Variants in CAST observed in about 807,000 individuals in gnomAD.
The protein encoded by CAST is calpastatin.
In CAST, 76 loss-of-function variants were observed where a neutral mutation model predicts 119.6. That is an observed-to-expected ratio of 0.64 (90% CI 0.53 to 0.77). The LOEUF is 0.77. CAST is among the 30% of genes least tolerant of loss of function. The probability of loss-of-function intolerance (pLI) is 0.00; values close to 1 mark genes in which losing one functional copy is unlikely to be tolerated. For missense variants in CAST, 953 were observed against 946.5 expected, an observed-to-expected ratio of 1.01 and a Z score of -0.09; for synonymous variants, 319 against 331.6, an observed-to-expected ratio of 0.96 and a Z score of 0.41.
the CAST span, among the ~76,000 whole-genome samples, chr5:96,095,389 G>A: frequency 6.6e-6 from 1 of 151,458 alleles, no homozygotes; most frequent in African/African-American, 2.4e-5. Context: ...GGGTGACATA[G>A]AGACACCCCT....
At chr5:96,627,373 G>A (rs1561434559) in intron 1 of CAST, among the ~76,000 whole-genome samples, 1 of 152,120 alleles carries the variant, frequency 6.6e-6, no homozygotes, top group Non-Finnish European at 1.5e-5. Context: ...TCAATTTTGG[G>A]CTATTTAAAA....
At chr5:96,200,152 T>C in the CAST span, among the ~76,000 whole-genome samples, 1 of 152,010 alleles carries the variant, frequency 6.6e-6, no homozygotes, top group African/African-American at 2.4e-5. Context: ...GAATGGGAAG[T>C]TTGCATGATA....
chr5:96,424,620 C>T, the CAST span, among the ~76,000 whole-genome samples: 1 of 152,204 alleles, frequency 6.6e-6, no homozygotes, highest in Middle Eastern at 3.4e-3. Flanking sequence ...AGGAAATGCA[C>T]AAGTGTTAAC....
intron 2 of CAST, among the ~76,000 whole-genome samples, chr5:96,686,121 T>C (rs1752050715): frequency 6.6e-6 from 1 of 152,078 alleles, no homozygotes; most frequent in African/African-American, 2.4e-5. Context: ...TGATACTATT[T>C]CTTCCCACTT....
chr5:96,760,429 T>C lies in CAST; in HGVS notation c.1834-1845T>C, dbSNP rs570749241. 3.3e-5 allele frequency among the ~76,000 whole-genome samples: 5 copies of C among 151,914 alleles called. No individual in the cohort carries two copies. The South Asian group carries it at 6.2e-4, about 19-fold the overall frequency. On this transcript the variant is annotated intron_variant, in intron 24 of 31. Transcript: ENST00000675179. ...GGCAATCCCCTAATCTGTTAAAGAG[T>C]CTTTAGTTTTCAGAATCAAATATTC...
At chr5:96,004,901 T>G in the CAST span, among the ~76,000 whole-genome samples, 2 of 151,974 alleles carry the variant, frequency 1.3e-5, no homozygotes, top group African/African-American at 4.8e-5. Flanking sequence ...CTCAGCTCCC[T>G]AGGATTAAAG....
chr5:96,133,293 G>GA, the CAST span, among the ~76,000 whole-genome samples: 6,986 of 142,808 alleles, frequency 0.049, 444 homozygotes, highest in African/African-American at 0.15. Flanking sequence ...AACGCTTTGA[G>GA]AAAAAAAAAA....
At chr5:96,331,337 G>A in the CAST span, among the ~76,000 whole-genome samples, 2 of 152,120 alleles carry the variant, frequency 1.3e-5, no homozygotes, top group African/African-American at 4.8e-5. Flanking sequence ...AAACCAAACC[G>A]AAGGAGGAGG....
At chr5:96,751,179 A>G (rs978637501) in intron 20 of CAST, among the ~76,000 whole-genome samples, 1 of 151,916 alleles carries the variant, frequency 6.6e-6, no homozygotes, top group African/African-American at 2.4e-5. Flanking sequence ...GATATTTAAG[A>G]AGGTGAATCT....
chr5:96,417,453 C>T, the CAST span, among the ~76,000 whole-genome samples: 2 of 151,944 alleles, frequency 1.3e-5, no homozygotes, highest in African/African-American at 4.8e-5. Context: ...GGGGCCCCTC[C>T]TCTCAGACAA....
At chr5:96,194,396 A>C in the CAST span, among the ~76,000 whole-genome samples, 2 of 152,170 alleles carry the variant, frequency 1.3e-5, no homozygotes, top group Admixed American at 1.3e-4. Context: ...ATGATTTAAG[A>C]TTCTAATAAT....
the CAST span, among the ~76,000 whole-genome samples, chr5:96,494,078 A>G: frequency 6.6e-6 from 1 of 152,210 alleles, no homozygotes; most frequent in Non-Finnish European, 1.5e-5. Flanking sequence ...AACTTATTCT[A>G]ATCCCTCATT....
Position 96,730,951 on chromosome 5 carries a change from G to T in CAST, c.630+91G>T, listed in dbSNP as rs993766804. Reference sequence around the variant, plus strand: ...GTATGCTCAAATAACCTATCATCTGGCAAAACTGAACACTGCTTATATGTA... The same window carrying T: ...GTATGCTCAAATAACCTATCATCTGTCAAAACTGAACACTGCTTATATGTA... On this transcript the variant is annotated intron_variant, in intron 9 of 31. Coordinates refer to ENST00000675179, the MANE Select transcript of CAST (RefSeq NM_001750.7). 5 of 931,634 alleles carry T rather than the reference G, an allele frequency of 5.4e-6. No homozygotes were observed. The South Asian group carries it at 5.4e-5, about 10-fold the overall frequency. 57.7% of individuals were successfully genotyped at this position (931,634 alleles called of 1,614,324 possible).
intron 9 of CAST, among the ~76,000 whole-genome samples, chr5:96,734,258 A>G (rs1327949517): frequency 6.6e-6 from 1 of 152,220 alleles, no homozygotes; most frequent in African/African-American, 2.4e-5. Context: ...GGAGAACCCT[A>G]AGGTGAATTT....
At chr5:96,698,470 C>T (rs889477437) in intron 3 of CAST, among the ~76,000 whole-genome samples, 1 of 152,152 alleles carries the variant, frequency 6.6e-6, no homozygotes, top group Non-Finnish European at 1.5e-5. Flanking sequence ...ACTCACTTTC[C>T]TTTGCCAGTT....
At chr5:96,496,785 G>C in the CAST span, among the ~76,000 whole-genome samples, 12 of 152,070 alleles carry the variant, frequency 7.9e-5, no homozygotes, top group Admixed American at 6.6e-4. Context: ...TTTAGAATTA[G>C]CATATTTATT....
chr5:96,108,374 A>C, the CAST span, among the ~76,000 whole-genome samples: 1 of 150,338 alleles, frequency 6.7e-6, no homozygotes, highest in Non-Finnish European at 1.5e-5. Flanking sequence ...TTTGGTCTTT[A>C]ATGATGGTGA....
At chr5:96,167,893 G>A in the CAST span, among the ~76,000 whole-genome samples, 4 of 151,966 alleles carry the variant, frequency 2.6e-5, no homozygotes, top group Non-Finnish European at 4.4e-5. Context: ...GGAAGTGGGT[G>A]GGGGGGCCTG....
chr5:96,722,350 G>A (rs1323963155), intron 3 of CAST, among the ~76,000 whole-genome samples: 2 of 152,156 alleles, frequency 1.3e-5, no homozygotes, highest in African/African-American at 4.8e-5. Flanking sequence ...AACTTACAAG[G>A]TAGTTGTTAA....
Sources: allele counts gnomAD v4.1 joint callset (sites outside exome capture counted in the v4.1 genomes callset), GRCh38; gene constraint gnomAD v4.1.1; transcripts MANE v1.5; gene names NCBI Gene and HGNC (gene_info 2026-07-23, HGNC 2026-07-21).